The following SHPRH variants were observed in gnomAD, a reference collection of about 807,000 sequenced individuals.
SHPRH encodes SNF2 histone linker PHD RING helicase.
SHPRH carries 106 observed loss-of-function variants against 202.5 expected under a neutral mutation model. That is an observed-to-expected ratio of 0.52 (90% CI 0.45 to 0.62). SHPRH has a LOEUF of 0.62. Ranked by LOEUF, SHPRH falls within the 20% of genes least tolerant of loss-of-function variation. SHPRH has a pLI of 0.00. For missense variants in SHPRH, 1,710 were observed against 2,020.0 expected, an observed-to-expected ratio of 0.85 and a Z score of 2.94; for synonymous variants, 729 against 686.0, an observed-to-expected ratio of 1.06 and a Z score of -0.98.
rs970893865 is a variant in SHPRH, at chr6:145,871,053, C to T, written c.222-6562G>A. 1.1e-4 allele frequency: 17 copies of T among 151,960 alleles called. 1 individual carries two copies. The highest frequency in any genetic ancestry group is 4.4e-5 in the Non-Finnish European group (3 of 67,998). The allele number at this position is 151,960 out of a possible 1,614,324, so 9.4% of individuals were successfully genotyped here. ...TAAACTAGGTATTGAAGGAACATAC[C>T]TCAAAATAATAAGAGCCATTTATGA... On this transcript the variant is annotated intron_variant, in intron 2 of 2. Coordinates refer to the SHPRH transcript ENST00000417762.
chr6:145,876,508 TTTC>T (rs1330537225), intron 2 of SHPRH, among the ~76,000 whole-genome samples: 1 of 152,234 alleles, frequency 6.6e-6, no homozygotes, highest in African/African-American at 2.4e-5. Flanking sequence ...AAGTATTTCA[TTTC>T]TTTTTTGTCC....
chr6:145,889,261 A>G (rs1229808783), intron 28 of SHPRH, among the ~76,000 whole-genome samples: 1 of 152,160 alleles, frequency 6.6e-6, no homozygotes, highest in Non-Finnish European at 1.5e-5. Context: ...ACTGGCAAGA[A>G]GTAGGTCACT....
intron 2 of SHPRH, among the ~76,000 whole-genome samples, chr6:145,875,567 T>C (rs563445164): frequency 9.9e-5 from 15 of 152,220 alleles, no homozygotes; most frequent in Non-Finnish European, 1.3e-4. Flanking sequence ...TGAGGTTGCA[T>C]GCTTTAGAAT....
At chr6:145,939,672 G>C (rs1344296124) in intron 11 of SHPRH, among the ~76,000 whole-genome samples, 1 of 152,112 alleles carries the variant, frequency 6.6e-6, no homozygotes, top group Non-Finnish European at 1.5e-5. Context: ...AACATGAAAG[G>C]AGACCACTAA....
At chr6:145,944,528 T>C (rs1032451450) in intron 8 of SHPRH, among the ~76,000 whole-genome samples, 2 of 151,884 alleles carry the variant, frequency 1.3e-5, no homozygotes, top group African/African-American at 4.8e-5. Flanking sequence ...AGACACAACA[T>C]GTAATCAATG....
chr6:145,946,434 C>T (rs1228742936), intron 6 of SHPRH, 93 bp from the exon 7 acceptor site: 2 of 997,328 alleles, frequency 2.0e-6, no homozygotes, highest in Non-Finnish European at 2.8e-6. Flanking sequence ...TATGGAAATG[C>T]AAAACAGTTC....
At chr6:145,951,873 G>A (rs1477149052) in intron 3 of SHPRH, 1 of 455,978 alleles carries the variant, frequency 2.2e-6, no homozygotes, top group Admixed American at 2.4e-5. Flanking sequence ...CTCCCAAGGT[G>A]ACCAATGGCA....
chr6:145,919,508 G>A lies in SHPRH; in HGVS notation c.4009-17C>T, dbSNP rs1784243266. ...ATGAAGCAACTGAAGGAATAGAAAA[G>A]ACAAACACAGTGGTAAAGCATGTAA... On this transcript the variant is annotated splice_polypyrimidine_tract_variant and intron_variant, in intron 21 of 29. Transcript: ENST00000275233. 10 of 1,610,924 alleles carry A rather than the reference G, an allele frequency of 6.2e-6. No individual in the cohort carries two copies. Among genetic ancestry groups the A allele is most frequent in the Non-Finnish European group, 8.5e-6 (10 of 1,178,356 alleles).
Position 145,943,486 on chromosome 6 carries a change from C to T in SHPRH, c.1895G>A (p.Cys632Tyr). 6.2e-7 allele frequency: 1 copy of T among 1,614,018 alleles called. No individual in the cohort carries two copies. Among genetic ancestry groups the T allele is most frequent in the Non-Finnish European group, 8.5e-7 (1 of 1,179,936 alleles). ...ATCAGCATGATTTAGAGATTCAGCACAGTCCTCTGTTTCATGTTCTTGGTT... is the reference window on the plus strand; with the variant it reads ...ATCAGCATGATTTAGAGATTCAGCATAGTCCTCTGTTTCATGTTCTTGGTT... ...EFNQEHETED[C>Y]AESLNHADSD... Residue 632 changes from cysteine (C) to tyrosine (Y), a missense_variant, in exon 9 of 30, where the codon TGT (cysteine) becomes TAT (tyrosine). By Grantham distance (194) the Cys-to-Tyr change is radical. Coordinates refer to ENST00000275233, the MANE Select transcript of SHPRH (RefSeq NM_001042683.3).
At chr6:145,908,952 T>A (rs1391361970) in intron 25 of SHPRH, 2 of 152,164 alleles carry the variant, frequency 1.3e-5, no homozygotes, top group Non-Finnish European at 2.9e-5. Flanking sequence ...GGGTCCGGTT[T>A]CAGTTTTCTG....
chr6:145,949,710 C>A (rs1244829458), intron 4 of SHPRH, among the ~76,000 whole-genome samples: 3 of 151,986 alleles, frequency 2.0e-5, no homozygotes, highest in Non-Finnish European at 4.4e-5. Context: ...CACTTTTACC[C>A]CCACAAAGTT....
At chr6:145,909,856 A>G (rs556920920) in intron 25 of SHPRH, 15 of 152,214 alleles carry the variant, frequency 9.9e-5, no homozygotes, top group African/African-American at 3.6e-4. Context: ...AAAGCAGTAA[A>G]TCCAATTACA....
intron 25 of SHPRH, among the ~76,000 whole-genome samples, chr6:145,895,537 G>GTTT (rs398110798): frequency 1.3e-4 from 19 of 141,390 alleles, no homozygotes; most frequent in African/African-American, 2.3e-4. Flanking sequence ...AAAACTGTGT[G>GTTT]TTTTTTTTTT....
chr6:145,923,525 A>ATAGG (rs1184159199), intron 18 of SHPRH, 118 bp downstream of exon 18: 1 of 1,255,490 alleles, frequency 8.0e-7, no homozygotes, highest in African/African-American at 1.5e-5. Context: ...ATGTGTCTGT[A>ATAGG]TAGGTTTATG....
chr6:145,922,925 TGTTAAAGAA>T, intron 18 of SHPRH, 89 bp from the exon 19 acceptor site: 7 of 1,417,188 alleles, frequency 4.9e-6, no homozygotes, highest in Middle Eastern at 1.9e-4. Context: ...CCAAACAAAG[TGTTAAAGAA>T]ACTGTTTGCT....
At chr6:145,922,969 A>T (rs1449512961) in intron 18 of SHPRH, 133 bp from the exon 19 acceptor site, 3 of 1,054,620 alleles carry the variant, frequency 2.8e-6, no homozygotes, top group Non-Finnish European at 2.6e-6. Context: ...TAACAGCAAC[A>T]TTTGAGTGAG....
chr6:145,898,423 A>G (rs1276935028), intron 25 of SHPRH, among the ~76,000 whole-genome samples: 1 of 149,972 alleles, frequency 6.7e-6, no homozygotes, highest in East Asian at 2.0e-4. Flanking sequence ...GACTCAATGC[A>G]ATCCCTATTA....
chr6:145,868,706 A>T (rs1337353070), intron 2 of SHPRH, among the ~76,000 whole-genome samples: 1 of 152,172 alleles, frequency 6.6e-6, no homozygotes, highest in South Asian at 2.1e-4. Context: ...AGTATATTCA[A>T]TCTGAAGCTG....
intron 2 of SHPRH, among the ~76,000 whole-genome samples, chr6:145,873,612 T>C (rs1046739662): frequency 1.3e-5 from 2 of 151,142 alleles, no homozygotes; most frequent in African/African-American, 4.9e-5. Flanking sequence ...GAAACCAGCA[T>C]GCCCATGCTT....
Sources: allele counts gnomAD v4.1 joint callset (sites outside exome capture counted in the v4.1 genomes callset), GRCh38; gene constraint gnomAD v4.1.1; transcripts MANE v1.5; gene names NCBI Gene and HGNC (gene_info 2026-07-23, HGNC 2026-07-21).